LRP1B: variants seen among roughly 807,000 people sequenced by gnomAD.
LRP1B encodes LDL receptor related protein 1B, also known as low-density lipoprotein receptor-related protein 1B.
A neutral mutation model predicts 556.6 loss-of-function variants in LRP1B; 217 were observed. That is an observed-to-expected ratio of 0.39 (90% CI 0.35 to 0.44). The LOEUF (loss-of-function observed/expected upper bound fraction) is 0.44, where lower values mean the gene tolerates loss of function less well. LRP1B is among the 20% of genes least tolerant of loss of function. The probability of loss-of-function intolerance (pLI) is 1.00; values close to 1 mark genes in which losing one functional copy is unlikely to be tolerated. For synonymous variants in LRP1B, 2,047 were observed against 1,865.8 expected, an observed-to-expected ratio of 1.10 and a Z score of -2.50; for missense variants, 5,053 against 5,620.8, an observed-to-expected ratio of 0.90 and a Z score of 3.23.
intron 8 of LRP1B, among the ~76,000 whole-genome samples, chr2:141,060,359 T>C (rs1699302158): frequency 6.6e-6 from 1 of 151,790 alleles, no homozygotes; most frequent in Non-Finnish European, 1.5e-5. Flanking sequence ...CTCCACAGTA[T>C]GGACATGTGT....
Position 141,308,994 on chromosome 2 carries a change from T to C in LRP1B, c.344-54353A>G, listed in dbSNP as rs536054416. On this transcript the variant is annotated intron_variant, in intron 3 of 90. Coordinates refer to ENST00000389484, the MANE Select transcript of LRP1B (RefSeq NM_018557.3). ...TAATAAGGATTAAAAAGAGCAGGTG[T>C]TAACAACTGAAATATAAATCCAGGT... 6.7e-4 allele frequency among the ~76,000 whole-genome samples: 102 copies of C among 152,316 alleles called. 2 individuals are homozygous for C. The highest frequency in any genetic ancestry group is 2.2e-4 in the Non-Finnish European group (15 of 68,024).
At chr2:141,860,790 T>C (rs1698214009) in intron 1 of LRP1B, among the ~76,000 whole-genome samples, 1 of 152,170 alleles carries the variant, frequency 6.6e-6, no homozygotes, top group African/African-American at 2.4e-5. Flanking sequence ...GTAATGACGA[T>C]TTTCTAGAGC....
At chr2:141,572,392 TTGCCACCAGGCC>T (rs1686561410) in intron 2 of LRP1B, among the ~76,000 whole-genome samples, 1 of 152,168 alleles carries the variant, frequency 6.6e-6, no homozygotes, top group South Asian at 2.1e-4. Flanking sequence ...AGGGATTTTG[TTGCCACCAGGCC>T]TGCCCTGCAA....
intron 41 of LRP1B, among the ~76,000 whole-genome samples, chr2:140,677,002 GATAA>G (rs1224305576): frequency 2.0e-5 from 3 of 152,126 alleles, no homozygotes; most frequent in Non-Finnish European, 4.4e-5. Context: ...ATTTATTTTT[GATAA>G]ATAGAAAACA....
At chr2:141,223,566 T>C (rs1413025070) in intron 6 of LRP1B, among the ~76,000 whole-genome samples, 1 of 152,114 alleles carries the variant, frequency 6.6e-6, no homozygotes, top group Non-Finnish European at 1.5e-5. Context: ...AAAGAGCCTG[T>C]ATAACTAAGC....
chr2:142,037,977 G>T (rs559794856), intron 1 of LRP1B, among the ~76,000 whole-genome samples: 1 of 151,600 alleles, frequency 6.6e-6, no homozygotes, highest in East Asian at 2.0e-4. Flanking sequence ...TAACGAGGCA[G>T]CTATTCCATA....
At chr2:141,381,018 CAAGAAAAG>C (rs113974502) in intron 3 of LRP1B, among the ~76,000 whole-genome samples, 7,353 of 151,562 alleles carry the variant, frequency 0.049, 211 homozygotes, top group South Asian at 0.08. Flanking sequence ...GTTAGTTAGT[CAAGAAAAG>C]TGAAGAAAAC....
chr2:140,801,062 G>A (rs947957761), intron 32 of LRP1B, among the ~76,000 whole-genome samples: 1 of 151,916 alleles, frequency 6.6e-6, no homozygotes, highest in African/African-American at 2.4e-5. Context: ...TTGTGTGTGT[G>A]GCCATTATTC....
At chr2:141,635,047 A>ACACACACAC (rs35004868) in intron 2 of LRP1B, among the ~76,000 whole-genome samples, 11,344 of 150,016 alleles carry the variant, frequency 0.076, 499 homozygotes, top group South Asian at 0.15. Flanking sequence ...ACTATAGTGA[A>ACACACACAC]ACACACACAC....
chr2:140,360,441 C>T (rs544264632), intron 72 of LRP1B, among the ~76,000 whole-genome samples: 3 of 151,676 alleles, frequency 2.0e-5, no homozygotes, highest in East Asian at 3.9e-4. Context: ...CCTACTACAG[C>T]TTCCATAGCT....
chr2:140,388,935 C>A (rs932507316), intron 66 of LRP1B, among the ~76,000 whole-genome samples: 1 of 152,092 alleles, frequency 6.6e-6, no homozygotes, highest in African/African-American at 2.4e-5. Context: ...CAATGAGAAA[C>A]CAAAATTAAA....
At chr2:140,908,901 G>A (rs1401674071) in intron 21 of LRP1B, among the ~76,000 whole-genome samples, 2 of 152,162 alleles carry the variant, frequency 1.3e-5, no homozygotes, top group African/African-American at 4.8e-5. Context: ...CCAGGTTCAA[G>A]CAATTCTCCT....
At chr2:141,651,995 T>C (rs2105380786) in intron 2 of LRP1B, among the ~76,000 whole-genome samples, 1 of 152,312 alleles carries the variant, frequency 6.6e-6, no homozygotes, top group Admixed American at 6.5e-5. Context: ...ATTAAAATGG[T>C]CTCTGTTCTC....
chr2:141,751,796 G>T (rs895621368), intron 2 of LRP1B, among the ~76,000 whole-genome samples: 6 of 149,386 alleles, frequency 4.0e-5, no homozygotes, highest in Non-Finnish European at 5.9e-5. Flanking sequence ...ATCTAAGCAT[G>T]GTATTTTCAT....
intron 2 of LRP1B, among the ~76,000 whole-genome samples, chr2:141,703,242 T>C (rs1692012488): frequency 6.6e-6 from 1 of 151,862 alleles, no homozygotes; most frequent in Non-Finnish European, 1.5e-5. Context: ...ATACAGGTGT[T>C]ATAAGGAACC....
chr2:140,967,984 A>G (rs1233169804), intron 18 of LRP1B, among the ~76,000 whole-genome samples: 1 of 83,550 alleles, frequency 1.2e-5, no homozygotes, highest in Non-Finnish European at 2.5e-5. Context: ...TTCATCAAGG[A>G]TATTGGTCTA....
chr2:141,452,571 G>T (rs1417762351), intron 3 of LRP1B, among the ~76,000 whole-genome samples: 1 of 152,152 alleles, frequency 6.6e-6, no homozygotes, highest in African/African-American at 2.4e-5. Context: ...AAAAAAGCTA[G>T]CATCGATTAC....
At chr2:140,991,194 A>T (rs1005821079) in intron 16 of LRP1B, among the ~76,000 whole-genome samples, 1 of 152,178 alleles carries the variant, frequency 6.6e-6, no homozygotes, top group African/African-American at 2.4e-5. Context: ...AACAATTTAA[A>T]GTACCAATAT....
At chr2:141,284,553 G>C (rs140209002) in intron 3 of LRP1B, among the ~76,000 whole-genome samples, 1 of 152,114 alleles carries the variant, frequency 6.6e-6, no homozygotes, top group Non-Finnish European at 1.5e-5. Context: ...AAATTCCCAC[G>C]CACAAAGCGT....
Sources: gnomAD v4.1 joint callset for allele counts (sites outside exome capture counted in the v4.1 genomes callset) on GRCh38, gnomAD v4.1.1 for gene constraint, MANE v1.5 for transcripts, NCBI Gene and HGNC (gene_info 2026-07-23, HGNC 2026-07-21) for gene names.